The following ACOXL variants were observed in gnomAD, a reference collection of about 807,000 sequenced individuals.
ACOXL encodes acyl-coenzyme A oxidase-like protein.
A neutral mutation model predicts 71.9 loss-of-function variants in ACOXL; 70 were observed. That is an observed-to-expected ratio of 0.97 (90% confidence interval 0.80 to 1.19). The LOEUF is 1.19. Ranked by LOEUF, ACOXL falls within the 50% of genes most tolerant of loss-of-function variation. The pLI is 0.00. For synonymous variants in ACOXL, 253 were observed against 281.6 expected (o/e 0.90, Z 1.02); for missense variants, 703 against 736.3 (o/e 0.95, Z 0.52).
chr2:110,955,383 C>T (rs2061459805), intron 12 of ACOXL, among the ~76,000 whole-genome samples: 1 of 151,554 alleles, frequency 6.6e-6, no homozygotes, highest in Non-Finnish European at 1.5e-5. Flanking sequence ...CCTCAGCAAG[C>T]CCTTCACTGT....
At chr2:110,934,886 T>C (rs1215458132) in intron 12 of ACOXL, among the ~76,000 whole-genome samples, 1 of 152,084 alleles carries the variant, frequency 6.6e-6, no homozygotes, top group East Asian at 1.9e-4. Context: ...GAGAATGAAA[T>C]AATAGCTGGC....
At chr2:110,933,914 C>T (rs1440485588) in intron 12 of ACOXL, among the ~76,000 whole-genome samples, 1 of 152,144 alleles carries the variant, frequency 6.6e-6, no homozygotes, top group East Asian at 1.9e-4. Context: ...TAGTAGTGGA[C>T]AGTATGGGAA....
At chr2:111,043,401 C>T (rs779332720) in intron 15 of ACOXL, among the ~76,000 whole-genome samples, 2 of 152,202 alleles carry the variant, frequency 1.3e-5, no homozygotes, top group East Asian at 1.9e-4. Flanking sequence ...TCTCTTTCAA[C>T]ATTTCCCTGT....
intron 1 of ACOXL, among the ~76,000 whole-genome samples, chr2:110,745,695 C>T (rs1255548837): frequency 1.3e-5 from 2 of 152,196 alleles, no homozygotes; most frequent in African/African-American, 2.4e-5. Context: ...TGGGTAGACG[C>T]TTGCCGACTG....
intron 16 of ACOXL, among the ~76,000 whole-genome samples, chr2:111,082,103 G>A (rs1350430466): frequency 6.6e-6 from 1 of 152,144 alleles, no homozygotes; most frequent in Non-Finnish European, 1.5e-5. Context: ...TCAGGACATA[G>A]GCATGGGCAG....
intron 5 of ACOXL, among the ~76,000 whole-genome samples, chr2:110,794,891 G>T (rs1467647111): frequency 6.6e-6 from 1 of 151,916 alleles, no homozygotes; most frequent in East Asian, 1.9e-4. Flanking sequence ...CATACCCTCG[G>T]GACGCTGCTT....
intron 13 of ACOXL, among the ~76,000 whole-genome samples, chr2:110,988,734 C>T (rs1412046625): frequency 6.6e-6 from 1 of 152,130 alleles, no homozygotes; most frequent in Non-Finnish European, 1.5e-5. Flanking sequence ...AATGATCTCT[C>T]ACCCTGACTT....
intron 15 of ACOXL, among the ~76,000 whole-genome samples, chr2:111,038,359 A>G (rs369856929): frequency 2.1e-4 from 28 of 132,544 alleles, no homozygotes; most frequent in African/African-American, 7.5e-4. Flanking sequence ...AAAATAAAAT[A>G]AAAAATAAAA....
chr2:111,114,378 TCA>T (rs1415293197), intron 17 of ACOXL: 2 of 152,170 alleles, frequency 1.3e-5, no homozygotes, highest in African/African-American at 4.8e-5. Flanking sequence ...ACTCTGGAAA[TCA>T]CACAGTGACA....
At chr2:110,812,358 T>TA (rs1432693401) in intron 9 of ACOXL, among the ~76,000 whole-genome samples, 2 of 152,366 alleles carry the variant, frequency 1.3e-5, no homozygotes, top group Non-Finnish European at 2.9e-5. Flanking sequence ...GAAGGTTTGT[T>TA]ACATAGGTAA....
intron 12 of ACOXL, among the ~76,000 whole-genome samples, chr2:110,982,955 A>G (rs1417509499): frequency 6.6e-6 from 1 of 152,068 alleles, no homozygotes; most frequent in East Asian, 1.9e-4. Context: ...CTGCATTTTC[A>G]TTTTGCGTTG....
At chr2:110,744,221 A>G (rs1677906071) in intron 1 of ACOXL, among the ~76,000 whole-genome samples, 1 of 152,222 alleles carries the variant, frequency 6.6e-6, no homozygotes, top group Non-Finnish European at 1.5e-5. Flanking sequence ...GTAAAAGGCC[A>G]AGAGACCCAG....
rs928138639 is a variant in ACOXL at position 110,794,060 on chromosome 2, A to G, written c.247-16A>G. On this transcript the variant is annotated splice_polypyrimidine_tract_variant and intron_variant, in intron 4 of 17. Transcript: ENST00000439055. ...CCTGACCAGCTAATTCCCTTCTAAC[A>G]TCTGGTAAACTCCAGGAGCAGAAAT... 6.2e-7 allele frequency: 1 copy of G among 1,613,628 alleles called. No individual in the cohort carries two copies. The highest frequency in any genetic ancestry group is 8.5e-7 in the Non-Finnish European group (1 of 1,179,518).
At chr2:110,964,159 G>C (rs1024713765) in intron 12 of ACOXL, among the ~76,000 whole-genome samples, 13 of 152,266 alleles carry the variant, frequency 8.5e-5, no homozygotes, top group African/African-American at 3.1e-4. Context: ...GTTGGCACAG[G>C]GGGGTCCCTT....
At chr2:110,795,383 A>C (rs1345351310) in intron 5 of ACOXL, among the ~76,000 whole-genome samples, 2 of 151,886 alleles carry the variant, frequency 1.3e-5, no homozygotes, top group Admixed American at 6.6e-5. Context: ...TATACTGACC[A>C]CTCGTAAAGT....
chr2:110,930,966 T>G (rs958878684), intron 11 of ACOXL, among the ~76,000 whole-genome samples: 1 of 152,260 alleles, frequency 6.6e-6, no homozygotes, highest in Non-Finnish European at 1.5e-5. Flanking sequence ...TCTAACAGTT[T>G]GTTTAATCTA....
chr2:110,763,218 C>A (rs997353131), intron 1 of ACOXL, among the ~76,000 whole-genome samples: 6 of 152,200 alleles, frequency 3.9e-5, no homozygotes, highest in African/African-American at 1.2e-4. Context: ...AAAAGACTCA[C>A]AATAGCCAAT....
At chr2:110,826,286 A>G (rs564496127) in intron 9 of ACOXL, among the ~76,000 whole-genome samples, 24 of 152,294 alleles carry the variant, frequency 1.6e-4, no homozygotes, top group South Asian at 2.1e-4. Flanking sequence ...AAAGTTCCCA[A>G]TATTTAATAT....
At chr2:110,895,965 AAC>A in intron 10 of ACOXL, among the ~76,000 whole-genome samples, 1 of 152,144 alleles carries the variant, frequency 6.6e-6, no homozygotes, top group African/African-American at 2.4e-5. Flanking sequence ...ACAAACAAAA[AAC>A]ACACAAATAC....
Sources: gnomAD v4.1 joint callset for allele counts (sites outside exome capture counted in the v4.1 genomes callset) on GRCh38, gnomAD v4.1.1 for gene constraint, MANE v1.5 for transcripts, NCBI Gene and HGNC (gene_info 2026-07-23, HGNC 2026-07-21) for gene names.